Variants in TECPR2 observed in about 807,000 individuals in gnomAD.
TECPR2 encodes the protein tectonin beta-propeller repeat-containing protein 2.
A neutral mutation model predicts 138.1 loss-of-function variants in TECPR2; 65 were observed. The ratio of observed to expected loss-of-function variants is 0.47; its 90% CI spans 0.39 to 0.58. The LOEUF (loss-of-function observed/expected upper bound fraction) is 0.58, where lower values mean the gene tolerates loss of function less well. Among genes scored for constraint, TECPR2 ranks in the 20% least tolerant of loss-of-function variants. TECPR2 has a pLI of 0.00. For synonymous variants in TECPR2, 746 were observed against 749.8 expected, an observed-to-expected ratio of 0.99 and a Z score of 0.08; for missense variants, 1,553 against 1,824.5, an observed-to-expected ratio of 0.85 and a Z score of 2.71.
At chr14:102,448,829 T>A (rs1447696475) in intron 13 of TECPR2, among the ~76,000 whole-genome samples, 4 of 151,912 alleles carry the variant, frequency 2.6e-5, no homozygotes, top group Admixed American at 2.6e-4. Flanking sequence ...ATTGCACCAC[T>A]GCACTCCAGC....
chr14:102,399,260 TCAAAAAACAAAACAAAA>T (rs1036282613), intron 2 of TECPR2, among the ~76,000 whole-genome samples: 1 of 151,984 alleles, frequency 6.6e-6, no homozygotes, highest in Non-Finnish European at 1.5e-5. Flanking sequence ...AGAATCTGTC[TCAAAAAACAAAACAAAA>T]CAAAAAAACA....
chr14:102,376,544 C>G, intron 1 of TECPR2, 106 bp from the exon 2 acceptor site: 1 of 609,240 alleles, frequency 1.6e-6, no homozygotes, highest in East Asian at 2.8e-5. Context: ...TATTTAAGCT[C>G]CAGCTATAAT....
At chr14:102,469,701 G>GTT (rs1224474711) in intron 17 of TECPR2, among the ~76,000 whole-genome samples, 3 of 152,042 alleles carry the variant, frequency 2.0e-5, no homozygotes, top group African/African-American at 7.2e-5. Flanking sequence ...TGAGCTTTGT[G>GTT]TTTTCTTAGG....
In TECPR2 at chr14:102,452,418, G is replaced by C; in HGVS notation, c.3431G>C (p.Ser1144Thr). ...KEGSFLWLCQ[S>T]SKDLCSVSAQ... ...GGAAGCTTCCTGTGGCTGTGCCAGA[G>C]CAGCAAGGACCTGTGCAGCGTCAGC... Residue 1144 changes from serine (S) to threonine (T), a missense_variant, in exon 16 of 20, where the codon AGC becomes ACC. Physicochemically the swap from Ser to Thr is moderately conservative, Grantham distance 58 (BLOSUM62 1). Transcript: ENST00000359520. 1 of 1,609,858 alleles carries C rather than the reference G, an allele frequency of 6.2e-7. No homozygotes were observed. Among genetic ancestry groups the C allele is most frequent in the African/African-American group, 1.3e-5 (1 of 75,002 alleles).
At chr14:102,417,528 A>T (rs867478005) in intron 5 of TECPR2, among the ~76,000 whole-genome samples, 9 of 152,170 alleles carry the variant, frequency 5.9e-5, no homozygotes, top group African/African-American at 1.9e-4. Flanking sequence ...TTGCATTTGG[A>T]TAGGATGGTC....
Position 102,408,577 on chromosome 14 carries a change from T to C in TECPR2, c.438T>C (p.Asp146=), listed in dbSNP as rs1888728941. The change falls in exon 4 of 20, where the codon GAT becomes GAC. Residue 146 remains aspartate, a synonymous_variant. Coordinates refer to ENST00000359520, the MANE Select transcript of TECPR2 (RefSeq NM_014844.5). ...SPNGMKLFSG[D]DKGKIVYSSL... ...ATGGAATGAAATTGTTCTCTGGAGA[T>C]GACAAAGGCAAAATTGTTTATTCTT... is the stretch of plus-strand genomic sequence containing the variant. 2 of 1,613,580 alleles carry C rather than the reference T, an allele frequency of 1.2e-6. No homozygotes were observed. The highest frequency in any genetic ancestry group is 4.5e-5 in the East Asian group (2 of 44,830).
chr14:102,443,932 C>G lies in TECPR2; in HGVS notation c.2933+105C>G. On this transcript the variant is annotated intron_variant, in intron 12 of 19. Coordinates refer to ENST00000359520, the MANE Select transcript of TECPR2 (RefSeq NM_014844.5). This position sits in a 1 kb window ranked among gnomAD's most constrained non-coding sequence, Gnocchi z 4.9. ...ATGAGGCCGTTCCTGGGAGGCAGCA[C>G]CTGCAGCCTCCATGGCTATAGGCTA... 2 of 1,093,616 alleles carry G rather than the reference C, an allele frequency of 1.8e-6. No homozygotes were observed. The highest frequency in any genetic ancestry group is 2.5e-6 in the Non-Finnish European group (2 of 792,774). The allele number at this position is 1,093,616 out of a possible 1,614,324, so 67.7% of individuals were successfully genotyped here. A position where few individuals can be genotyped will look rare whatever the true frequency, so the allele number is the denominator to read the frequency against.
At chr14:102,379,627 A>T in intron 2 of TECPR2, among the ~76,000 whole-genome samples, 2 of 138,394 alleles carry the variant, frequency 1.4e-5, no homozygotes, top group Admixed American at 7.2e-5. Flanking sequence ...GCACAGAGGC[A>T]CCCTAGTCAC....
intron 17 of TECPR2, 65 bp from the exon 18 acceptor site, chr14:102,496,914 A>G: frequency 3.8e-6 from 6 of 1,583,630 alleles, no homozygotes; most frequent in Non-Finnish European, 5.2e-6. Context: ...CAGTTCCGGA[A>G]GTCTCCTGTC....
At chr14:102,458,798 A>G (rs1027885323) in intron 16 of TECPR2, among the ~76,000 whole-genome samples, 1 of 151,884 alleles carries the variant, frequency 6.6e-6, no homozygotes, top group African/African-American at 2.4e-5. Context: ...TGTCCCCATC[A>G]TAGCACTGTG....
chr14:102,433,664 G>A (rs559344558), intron 8 of TECPR2, among the ~76,000 whole-genome samples: 4 of 152,138 alleles, frequency 2.6e-5, no homozygotes, highest in Non-Finnish European at 5.9e-5. Context: ...GGGATTACAG[G>A]TGCCCACTAC....
At chr14:102,372,775 C>T (rs1304154366) in intron 1 of TECPR2, among the ~76,000 whole-genome samples, 2 of 151,980 alleles carry the variant, frequency 1.3e-5, no homozygotes, top group Non-Finnish European at 2.9e-5. Flanking sequence ...CAAAAATTAG[C>T]CAGGCCTGGT....
Position 102,501,394 on chromosome 14 carries a change from CTGCTGGGCACAGTGATG to C in TECPR2, c.*3141_*3157del, listed in dbSNP as rs1229798354. On this transcript the variant is annotated 3_prime_UTR_variant, in exon 20 of 20. Coordinates refer to ENST00000359520, the MANE Select transcript of TECPR2 (RefSeq NM_014844.5). ...TTGATTTCTCCAAAATACAGAAATG[CTGCTGGGCACAGTGATG>C]TGCAGTTATAGTCCCAGCTACTTGG... 1 of 152,210 alleles carries C rather than the reference CTGCTGGGCACAGTGATG, an allele frequency of 6.6e-6. No individual in the cohort carries two copies. Among genetic ancestry groups the C allele is most frequent in the African/African-American group, 2.4e-5 (1 of 41,448 alleles). The allele number at this position is 152,210 out of a possible 1,614,324, so 9.4% of individuals were successfully genotyped here. A position where few individuals can be genotyped will look rare whatever the true frequency, so the allele number is the denominator to read the frequency against.
At chr14:102,470,268 A>G (rs1270943267) in intron 17 of TECPR2, among the ~76,000 whole-genome samples, 3 of 150,394 alleles carry the variant, frequency 2.0e-5, no homozygotes, top group East Asian at 3.9e-4. Flanking sequence ...TTTTTTGACT[A>G]CTGGTTCAAT....
chr14:102,494,824 C>CA (rs527379957), intron 17 of TECPR2, among the ~76,000 whole-genome samples: 1,959 of 63,794 alleles, frequency 0.031, 42 homozygotes, highest in African/African-American at 0.078. Flanking sequence ...AACTCCGTCT[C>CA]AAAAAAAAAA....
At chr14:102,451,022 A>G (rs1890126793) in intron 15 of TECPR2, among the ~76,000 whole-genome samples, 1 of 152,148 alleles carries the variant, frequency 6.6e-6, no homozygotes, top group Non-Finnish European at 1.5e-5. Flanking sequence ...ACCTCCCAGC[A>G]ACTTCCTTCC....
chr14:102,491,950 G>A, intron 17 of TECPR2, among the ~76,000 whole-genome samples: 1 of 152,216 alleles, frequency 6.6e-6, no homozygotes, highest in South Asian at 2.1e-4. Context: ...TCCAATTAGA[G>A]GTGTCCAGGA....
chr14:102,445,778 A>AC (rs772060129), intron 12 of TECPR2, 28 bp from the exon 13 acceptor site: 2 of 1,608,874 alleles, frequency 1.2e-6, no homozygotes, highest in South Asian at 2.2e-5. Flanking sequence ...ATGGGTGCTG[A>AC]CCCCCCTGTT....
At chr14:102,473,956 A>T (rs1217437094) in intron 17 of TECPR2, among the ~76,000 whole-genome samples, 1 of 152,248 alleles carries the variant, frequency 6.6e-6, no homozygotes, top group Non-Finnish European at 1.5e-5. Context: ...TTTGTAAAAC[A>T]AAACTATAAA....
Sources: gnomAD v4.1 joint callset for allele counts (sites outside exome capture counted in the v4.1 genomes callset) on GRCh38, gnomAD v4.1.1 for gene constraint, Gnocchi (gnomAD v3.1) non-coding constraint, MANE v1.5 for transcripts, NCBI Gene and HGNC (gene_info 2026-07-23, HGNC 2026-07-21) for gene names.